The following ST7 variants were observed in gnomAD, a reference collection of about 807,000 sequenced individuals.
ST7 encodes suppression of tumorigenicity 7, also known as suppressor of tumorigenicity 7 protein.
In ST7, 28 loss-of-function variants were observed where a neutral mutation model predicts 78.7. The ratio of observed to expected loss-of-function variants is 0.36; its 90% CI spans 0.26 to 0.49. ST7 has a LOEUF of 0.49. Among genes scored for constraint, ST7 ranks in the 20% least tolerant of loss-of-function variants. The pLI is 0.99. For missense variants in ST7, 418 were observed against 696.0 expected, an observed-to-expected ratio of 0.60 and a Z score of 4.49; for synonymous variants, 247 against 249.6, an observed-to-expected ratio of 0.99 and a Z score of 0.10.
chr7:116,970,336 G>T lies in ST7; in HGVS notation c.151+16645G>T, dbSNP rs180887046. Reference sequence around the variant, plus strand: ...TTGGGCTAATTGTTACATAAGTTTTGTGCTTAGTCAGTTTAGGCTACTCTA... The same window carrying T: ...TTGGGCTAATTGTTACATAAGTTTTTTGCTTAGTCAGTTTAGGCTACTCTA... On this transcript the variant is annotated intron_variant, in intron 1 of 15. Coordinates refer to ENST00000323984, the MANE Select transcript of ST7 (RefSeq NM_001369598.1). Among the ~76,000 whole-genome samples the T allele has an allele frequency of 6.6e-5, 10 of 152,308 alleles. No homozygotes were observed. The South Asian group carries it at 1.7e-3, about 25-fold the overall frequency.
At chr7:117,110,674 G>A (rs950962730) in intron 2 of ST7, among the ~76,000 whole-genome samples, 5 of 152,218 alleles carry the variant, frequency 3.3e-5, no homozygotes, top group South Asian at 2.1e-4. Context: ...TAGCAGTAGC[G>A]TGGTGTAGAT....
chr7:117,096,852 G>A (rs1046521960), intron 1 of ST7, among the ~76,000 whole-genome samples: 7 of 152,082 alleles, frequency 4.6e-5, no homozygotes, highest in Admixed American at 2.0e-4. Flanking sequence ...CTACTCTCTA[G>A]GTGTTTCTGT....
intron 1 of ST7, among the ~76,000 whole-genome samples, chr7:116,977,177 A>G (rs1311202614): frequency 3.9e-5 from 6 of 152,226 alleles, no homozygotes; most frequent in Non-Finnish European, 8.8e-5. Flanking sequence ...CTGTTCTAAC[A>G]TTCTGATTCT....
intron 1 of ST7, among the ~76,000 whole-genome samples, chr7:116,989,787 T>A (rs994237827): frequency 1.3e-5 from 2 of 152,084 alleles, no homozygotes; most frequent in Non-Finnish European, 2.9e-5. Context: ...TACAGTGAAG[T>A]TTGATTGTGC....
At chr7:117,162,446 G>T (rs1409192383) in intron 9 of ST7, among the ~76,000 whole-genome samples, 1 of 150,876 alleles carries the variant, frequency 6.6e-6, no homozygotes, top group African/African-American at 2.4e-5. Flanking sequence ...CCCATTATCT[G>T]TTTAGTCCAC....
At chr7:116,985,673 GAT>G (rs1562993933) in intron 1 of ST7, among the ~76,000 whole-genome samples, 1 of 152,194 alleles carries the variant, frequency 6.6e-6, no homozygotes, top group Non-Finnish European at 1.5e-5. Flanking sequence ...GTATAATAGA[GAT>G]TGTGTGGGAT....
chr7:117,017,050 A>G (rs1795649144), intron 1 of ST7, among the ~76,000 whole-genome samples: 2 of 152,212 alleles, frequency 1.3e-5, no homozygotes, highest in African/African-American at 4.8e-5. Context: ...AGGCCTTTGC[A>G]TGAAACACTC....
At chr7:117,101,210 A>G (rs1473093355) in intron 2 of ST7, among the ~76,000 whole-genome samples, 3 of 152,134 alleles carry the variant, frequency 2.0e-5, no homozygotes, top group African/African-American at 7.2e-5. Context: ...GTGGCATGAG[A>G]TGTTTAAAGT....
chr7:117,229,798 A>G lies in ST7; in HGVS notation c.1675A>G (p.Met559Val). ...TTTGTTTGCCCCCTTAAACTTTGTC[A>G]TGGAGAAAGTGGAGAGCATCCTCCC... ...STLFAPLNFV[M>V]EKVESILPSS... The change falls in exon 16 of 16, where the codon ATG (methionine) becomes GTG (valine). Residue 559 changes from methionine to valine, a missense_variant. Around this residue, in one of 4 missense-constraint regions of ST7, gnomAD observed 288 missense variants for 537.1 expected, o/e 0.54. Transcript: ENST00000323984. The G allele has an allele frequency of 1.2e-6, 2 of 1,613,828 alleles. No homozygotes were observed. Among genetic ancestry groups the G allele is most frequent in the Non-Finnish European group, 1.7e-6 (2 of 1,179,980 alleles).
intron 10 of ST7, among the ~76,000 whole-genome samples, chr7:117,186,376 C>T (rs967031393): frequency 2.0e-5 from 3 of 152,124 alleles, no homozygotes; most frequent in Non-Finnish European, 2.9e-5. Flanking sequence ...ACTATGATAA[C>T]GCATATGGCC....
At chr7:117,186,387 A>C (rs1481376153) in intron 10 of ST7, among the ~76,000 whole-genome samples, 1 of 152,230 alleles carries the variant, frequency 6.6e-6, no homozygotes, top group Non-Finnish European at 1.5e-5. Flanking sequence ...GCATATGGCC[A>C]CAAAGTAACT....
At chr7:117,147,737 C>G (rs555232919) in intron 9 of ST7, among the ~76,000 whole-genome samples, 65 of 152,142 alleles carry the variant, frequency 4.3e-4, no homozygotes, top group African/African-American at 1.5e-3. Flanking sequence ...TTCTTCTCCT[C>G]CTCATCCTTC....
chr7:117,143,554 G>A (rs779006407), intron 9 of ST7, among the ~76,000 whole-genome samples: 1 of 152,116 alleles, frequency 6.6e-6, no homozygotes, highest in Admixed American at 6.5e-5. Context: ...AGTGTTTACT[G>A]TGTCCTAGGC....
chr7:117,033,190 T>G (rs1413360166), intron 1 of ST7, among the ~76,000 whole-genome samples: 1 of 152,160 alleles, frequency 6.6e-6, no homozygotes, highest in Non-Finnish European at 1.5e-5. Context: ...CATAGCAGCA[T>G]CAACATGCTG....
intron 15 of ST7, 40 bp downstream of exon 15, chr7:117,222,102 G>A (rs1254281130): frequency 6.3e-7 from 1 of 1,576,154 alleles, no homozygotes; most frequent in Non-Finnish European, 8.6e-7. Context: ...GGAATGGATG[G>A]GGAAAGCCAA....
At chr7:117,194,698 G>A (rs38891) in intron 12 of ST7, among the ~76,000 whole-genome samples, 340 of 152,292 alleles carry the variant, frequency 2.2e-3, no homozygotes, top group Non-Finnish European at 3.6e-3. Flanking sequence ...CCCTCACCAC[G>A]GTTCTATACC....
intron 1 of ST7, chr7:116,954,059 T>G (rs1792302472): frequency 6.6e-6 from 1 of 151,888 alleles, no homozygotes; most frequent in African/African-American, 2.4e-5. Context: ...GCGCCGGAAC[T>G]CCGAGGGTTC....
Position 117,208,850 on chromosome 7 carries a change from G to A in ST7, c.1255-937G>A, listed in dbSNP as rs559296471. On this transcript the variant is annotated intron_variant, in intron 12 of 15. Coordinates refer to ENST00000323984, the MANE Select transcript of ST7 (RefSeq NM_001369598.1). ...TCTCCATTTTACAGGAGATTGCATG[G>A]GCTGTTGTTATGTTTGTCTTTGGTG... 4.0e-5 allele frequency among the ~76,000 whole-genome samples: 6 copies of A among 151,570 alleles called. No homozygotes were observed. In the East Asian group the frequency reaches 9.7e-4, roughly 25 times the overall value.
chr7:117,053,118 C>T (rs1797874575), intron 1 of ST7, among the ~76,000 whole-genome samples: 1 of 151,978 alleles, frequency 6.6e-6, no homozygotes, highest in African/African-American at 2.4e-5. Flanking sequence ...GTTTGTTGTT[C>T]TTCGTAGAGA....
Sources: gnomAD v4.1 joint callset for allele counts (sites outside exome capture counted in the v4.1 genomes callset) on GRCh38, gnomAD v4.1.1 for gene constraint, gnomAD v4.1.1 regional missense constraint, MANE v1.5 for transcripts, NCBI Gene and HGNC (gene_info 2026-07-23, HGNC 2026-07-21) for gene names.